DMD: variants seen among roughly 807,000 people sequenced by gnomAD.
DMD encodes dystrophin.
A neutral mutation model predicts 330.1 loss-of-function variants in DMD; 63 were observed. The ratio of observed to expected loss-of-function variants is 0.19; its 90% CI spans 0.16 to 0.24. The LOEUF (loss-of-function observed/expected upper bound fraction) is 0.24. Ranked by LOEUF, DMD falls within the 10% of genes least tolerant of loss-of-function variation. The pLI, the probability that DMD is intolerant of heterozygous loss-of-function variation, is 1.00. For missense variants in DMD, 3,344 were observed against 2,684.1 expected, an observed-to-expected ratio of 1.25 and a Z score of -5.43; for synonymous variants, 1,223 against 959.8, an observed-to-expected ratio of 1.27 and a Z score of -5.07.
rs777272465 is a variant in DMD at position 33,095,817 on chromosome X, A to G, written c.32-75617T>C. On this transcript the variant is annotated intron_variant, in intron 1 of 78. Transcript: ENST00000357033. ...TACAAATTGTTAGAAATCAATCTCA[A>G]TTTATTTATCTAACATATTTACATG... 2.0e-4 allele frequency among the ~76,000 whole-genome samples: 22 copies of G among 111,122 alleles called. No homozygotes were observed. The South Asian group carries it at 7.9e-3, about 40-fold the overall frequency.
At chrX:32,712,603 G>T (rs1424565878) in intron 7 of DMD, among the ~76,000 whole-genome samples, 1 of 110,773 alleles carries the variant, frequency 9.0e-6, no homozygotes, top group African/African-American at 3.3e-5. Flanking sequence ...ATTTTGATGG[G>T]CTATTTCTAA....
At chrX:31,961,201 T>G (rs1173325879) in intron 45 of DMD, among the ~76,000 whole-genome samples, 1 of 112,061 alleles carries the variant, frequency 8.9e-6, no homozygotes, top group African/African-American at 3.2e-5. Flanking sequence ...TTAACCAAAC[T>G]CCTTCCATTT....
intron 44 of DMD, among the ~76,000 whole-genome samples, chrX:32,123,038 C>T (rs781488921): frequency 6.6e-5 from 7 of 106,282 alleles, no homozygotes; most frequent in Non-Finnish European, 9.7e-5. Context: ...GCAGTGAAGA[C>T]GCTTTGACCT....
chrX:32,589,917 AG>A (rs1448841680), intron 13 of DMD, among the ~76,000 whole-genome samples: 1 of 111,575 alleles, frequency 9.0e-6, no homozygotes, highest in Non-Finnish European at 1.9e-5. Context: ...GATACTAGAA[AG>A]GAATATATTA....
intron 1 of DMD, among the ~76,000 whole-genome samples, chrX:33,282,165 C>T (rs761191211): frequency 1.4e-4 from 15 of 110,908 alleles, no homozygotes; most frequent in African/African-American, 4.9e-4. Context: ...TCCATATGAC[C>T]AAAGATGCTT....
intron 45 of DMD, among the ~76,000 whole-genome samples, chrX:31,958,373 G>C (rs1401170642): frequency 9.0e-6 from 1 of 110,646 alleles, no homozygotes; most frequent in African/African-American, 3.3e-5. Context: ...CTTTCCCTAG[G>C]GTGCCCCAAA....
intron 77 of DMD, among the ~76,000 whole-genome samples, chrX:31,132,356 A>G (rs1319857112): frequency 8.9e-6 from 1 of 112,297 alleles, no homozygotes; most frequent in Non-Finnish European, 1.9e-5. Context: ...GAGATGGTGC[A>G]AAGGATTTCA....
upstream of DMD, among the ~76,000 whole-genome samples, chrX:33,213,465 A>G (rs1240055966): frequency 9.0e-6 from 1 of 111,580 alleles, no homozygotes; most frequent in Non-Finnish European, 1.9e-5. Flanking sequence ...GACCGAACAA[A>G]TTGAACTCCA....
chrX:32,144,852 G>A (rs1187970426), intron 44 of DMD, among the ~76,000 whole-genome samples: 2 of 110,911 alleles, frequency 1.8e-5, no homozygotes. Flanking sequence ...GGCCAACATG[G>A]TGAACCCCTG....
intron 60 of DMD, among the ~76,000 whole-genome samples, chrX:31,390,855 C>T (rs145782205): frequency 0.025 from 2,733 of 111,441 alleles, 47 homozygotes; most frequent in Non-Finnish European, 0.038. Flanking sequence ...TTCACAGGTA[C>T]GTCAGATTAT....
At chrX:32,468,787 C>G (rs2040320997) in intron 22 of DMD, 77 bp from the exon 23 acceptor site, 1 of 841,486 alleles carries the variant, frequency 1.2e-6, no homozygotes, top group Non-Finnish European at 1.7e-6. Flanking sequence ...ATTAACTGTA[C>G]TTGAAATCTA....
chrX:32,812,092 A>G (rs1407490520), intron 6 of DMD, among the ~76,000 whole-genome samples: 1 of 111,100 alleles, frequency 9.0e-6, no homozygotes. Flanking sequence ...GTCATTAGTC[A>G]AGTGGTTCTT....
intron 39 of DMD, 144 bp from the exon 40 acceptor site, chrX:32,343,430 G>C (rs901677632): frequency 5.3e-6 from 3 of 565,209 alleles, no homozygotes; most frequent in Non-Finnish European, 8.3e-6. Flanking sequence ...AATATACAAA[G>C]ACATAATTAA....
intron 59 of DMD, among the ~76,000 whole-genome samples, chrX:31,449,769 T>TATAC (rs2065564150): frequency 1.5e-5 from 1 of 68,214 alleles, no homozygotes; most frequent in African/African-American, 5.8e-5. Context: ...GTGTGATATA[T>TATAC]ATATATATAT....
At chrX:32,678,046 A>G (rs776690204) in intron 9 of DMD, among the ~76,000 whole-genome samples, 1 of 112,145 alleles carries the variant, frequency 8.9e-6, no homozygotes, top group South Asian at 3.7e-4. Context: ...CAGGTATCTA[A>G]AATTGCCAAA....
intron 45 of DMD, among the ~76,000 whole-genome samples, chrX:31,943,799 T>C (rs138165010): frequency 0.013 from 1,432 of 109,316 alleles, 28 homozygotes; most frequent in African/African-American, 0.046. Context: ...AAATGTCATC[T>C]GTTTTCTCAA....
At chrX:33,256,983 C>G (rs5971702) in intron 1 of DMD, among the ~76,000 whole-genome samples, 1 of 110,318 alleles carries the variant, frequency 9.1e-6, no homozygotes, top group Non-Finnish European at 1.9e-5. Context: ...TTCTAGTCAC[C>G]ATTTTACGAT....
intron 11 of DMD, among the ~76,000 whole-genome samples, chrX:32,640,115 T>A (rs980455983): frequency 8.5e-4 from 93 of 108,894 alleles, no homozygotes; most frequent in Non-Finnish European, 1.6e-3. Flanking sequence ...TATATAAAAT[T>A]ATATAATACT....
chrX:31,230,420 G>A (rs1030597883), intron 63 of DMD, among the ~76,000 whole-genome samples: 6 of 111,063 alleles, frequency 5.4e-5, no homozygotes, highest in Admixed American at 1.9e-4. Context: ...AGGTCGAGGC[G>A]GGCGGATCAC....
Sources: gnomAD v4.1 joint callset for allele counts (sites outside exome capture counted in the v4.1 genomes callset) on GRCh38, gnomAD v4.1.1 for gene constraint, MANE v1.5 for transcripts, NCBI Gene and HGNC (gene_info 2026-07-23, HGNC 2026-07-21) for gene names.